SLC24A2: variants seen among roughly 807,000 people sequenced by gnomAD.
SLC24A2 encodes the protein solute carrier family 24 member 2.
SLC24A2 carries 36 observed loss-of-function variants against 62.0 expected under a neutral mutation model. The ratio of observed to expected loss-of-function variants is 0.58; its 90% CI spans 0.44 to 0.77. The LOEUF (loss-of-function observed/expected upper bound fraction) is 0.77. Ranked by LOEUF, SLC24A2 falls within the 30% of genes least tolerant of loss-of-function variation. SLC24A2 has a pLI of 0.00. For missense variants in SLC24A2, 846 were observed against 817.9 expected, an observed-to-expected ratio of 1.03 and a Z score of -0.42; for synonymous variants, 358 against 294.0, an observed-to-expected ratio of 1.22 and a Z score of -2.23.
At chr9:19,815,282 C>G in the SLC24A2 span, among the ~76,000 whole-genome samples, 1 of 152,120 alleles carries the variant, frequency 6.6e-6, no homozygotes, top group African/African-American at 2.4e-5. Context: ...GAACAAGGCA[C>G]TTAATTTTTC....
chr9:19,677,379 A>C (rs1039949574), intron 2 of SLC24A2, among the ~76,000 whole-genome samples: 1 of 152,198 alleles, frequency 6.6e-6, no homozygotes, highest in African/African-American at 2.4e-5. Flanking sequence ...AAACTAAATG[A>C]TGAGAACACA....
intron 5 of SLC24A2, 99 bp downstream of exon 5, chr9:19,597,130 A>C (rs1836724260): frequency 1.2e-6 from 1 of 803,516 alleles, no homozygotes; most frequent in Non-Finnish European, 2.2e-6. Flanking sequence ...AATGTCACTG[A>C]AGTCATGCAG....
the SLC24A2 span, among the ~76,000 whole-genome samples, chr9:20,100,950 G>T: frequency 2.0e-5 from 3 of 152,116 alleles, no homozygotes; most frequent in Non-Finnish European, 4.4e-5. Flanking sequence ...TTAACAACAG[G>T]TATAAATACA....
the SLC24A2 span, among the ~76,000 whole-genome samples, chr9:20,152,284 A>T: frequency 6.6e-6 from 1 of 151,920 alleles, no homozygotes; most frequent in Non-Finnish European, 1.5e-5. Context: ...CTCTTTGGGG[A>T]TTGATTTAAG....
upstream of SLC24A2, among the ~76,000 whole-genome samples, chr9:19,792,345 A>C (rs966955114): frequency 6.6e-6 from 1 of 152,060 alleles, no homozygotes; most frequent in Non-Finnish European, 1.5e-5. Flanking sequence ...CTTGACATTC[A>C]GTCTCAAGGG....
chr9:19,668,799 C>A (rs1297856201), intron 2 of SLC24A2, among the ~76,000 whole-genome samples: 3 of 152,178 alleles, frequency 2.0e-5, no homozygotes, highest in Non-Finnish European at 4.4e-5. Flanking sequence ...GTTATTCCTG[C>A]AAGAATTTCT....
intron 2 of SLC24A2, among the ~76,000 whole-genome samples, chr9:19,668,164 A>C (rs1330631880): frequency 6.6e-6 from 1 of 152,160 alleles, no homozygotes; most frequent in Non-Finnish European, 1.5e-5. Flanking sequence ...TCAGTTGTTC[A>C]TTGCCAACAG....
intron 7 of SLC24A2, among the ~76,000 whole-genome samples, chr9:19,566,662 T>A (rs1835664325): frequency 6.6e-6 from 1 of 152,134 alleles, no homozygotes; most frequent in Admixed American, 6.6e-5. Context: ...CACATGCACG[T>A]ATGTTTATTG....
At chr9:19,735,739 T>A (rs1260392508) in intron 2 of SLC24A2, among the ~76,000 whole-genome samples, 27 of 151,986 alleles carry the variant, frequency 1.8e-4, no homozygotes, top group Admixed American at 1.7e-3. Flanking sequence ...ACCATCATTC[T>A]CAGCAAACTA....
At chr9:20,285,499 T>C in the SLC24A2 span, among the ~76,000 whole-genome samples, 1 of 151,910 alleles carries the variant, frequency 6.6e-6, no homozygotes, top group African/African-American at 2.4e-5. Flanking sequence ...TTCCAAGGCA[T>C]CAAGCAGGAA....
the SLC24A2 span, among the ~76,000 whole-genome samples, chr9:20,252,970 T>C: frequency 1.6e-4 from 24 of 152,192 alleles, no homozygotes; most frequent in Admixed American, 1.1e-3. Flanking sequence ...TTAGTTAATC[T>C]CATCAACTAA....
At chr9:20,177,292 A>G in the SLC24A2 span, among the ~76,000 whole-genome samples, 5 of 152,156 alleles carry the variant, frequency 3.3e-5, no homozygotes, top group African/African-American at 1.2e-4. Context: ...CTGATTTTAA[A>G]AATGTTAATC....
the SLC24A2 span, among the ~76,000 whole-genome samples, chr9:20,233,881 T>A: frequency 6.6e-6 from 1 of 152,244 alleles, no homozygotes; most frequent in Non-Finnish European, 1.5e-5. Flanking sequence ...TCCCTTTCCA[T>A]GTTTAATGCT....
the SLC24A2 span, among the ~76,000 whole-genome samples, chr9:20,301,672 A>G: frequency 6.6e-6 from 1 of 151,890 alleles, no homozygotes; most frequent in Admixed American, 6.6e-5. Context: ...CCCCACATGC[A>G]GAGCCTCCTC....
At chr9:20,063,205 T>C in the SLC24A2 span, among the ~76,000 whole-genome samples, 12 of 151,116 alleles carry the variant, frequency 7.9e-5, no homozygotes, top group South Asian at 2.1e-4. Context: ...ATGTTTATTG[T>C]GGCACTATTC....
the SLC24A2 span, among the ~76,000 whole-genome samples, chr9:20,284,498 C>G: frequency 3.3e-5 from 5 of 149,994 alleles, no homozygotes; most frequent in African/African-American, 1.2e-4. Context: ...TAGTTCAACC[C>G]CTCATTTAGC....
chr9:19,744,575 A>G (rs150765464), intron 2 of SLC24A2, among the ~76,000 whole-genome samples: 80 of 152,280 alleles, frequency 5.3e-4, no homozygotes, highest in African/African-American at 1.9e-3. Context: ...CTTGGCTCCA[A>G]CTGATGTTGT....
At chr9:19,925,646 G>T in the SLC24A2 span, among the ~76,000 whole-genome samples, 1 of 152,202 alleles carries the variant, frequency 6.6e-6, no homozygotes, top group African/African-American at 2.4e-5. Context: ...CCTGCGTCAT[G>T]TATTTTTCAC....
At chr9:20,087,654 T>C in the SLC24A2 span, among the ~76,000 whole-genome samples, 1 of 152,230 alleles carries the variant, frequency 6.6e-6, no homozygotes, top group Non-Finnish European at 1.5e-5. Flanking sequence ...TTTTTCCTAC[T>C]TGATTTTAGC....
Sources: gnomAD v4.1 joint callset for allele counts (sites outside exome capture counted in the v4.1 genomes callset) on GRCh38, gnomAD v4.1.1 for gene constraint, MANE v1.5 for transcripts, NCBI Gene and HGNC (gene_info 2026-07-23, HGNC 2026-07-21) for gene names.